The following TFB1M variants were observed in gnomAD, a reference collection of about 807,000 sequenced individuals.
The protein encoded by TFB1M is dimethyladenosine transferase 1, mitochondrial.
TFB1M carries 27 observed loss-of-function variants against 31.1 expected under a neutral mutation model. That is an observed-to-expected ratio of 0.87 (90% CI 0.64 to 1.20). TFB1M has a LOEUF of 1.20. TFB1M is among the 50% of genes most tolerant of loss of function. TFB1M has a pLI of 0.00. For synonymous variants in TFB1M, 166 were observed against 151.8 expected (o/e 1.09, Z -0.69); for missense variants, 394 against 418.7 (o/e 0.94, Z 0.51).
At chr6:155,264,065 G>A (rs1028000705) in intron 5 of TFB1M, 2 of 152,246 alleles carry the variant, frequency 1.3e-5, no homozygotes, top group Non-Finnish European at 1.5e-5. Flanking sequence ...GGAACAGGAA[G>A]CATATGGCAT....
chr6:155,292,272 C>T (rs986089326), intron 4 of TFB1M, among the ~76,000 whole-genome samples: 2 of 152,244 alleles, frequency 1.3e-5, no homozygotes, highest in Non-Finnish European at 1.5e-5. Context: ...GGTGCTCACA[C>T]GTGTGCAGGA....
At chr6:155,303,785 A>C (rs1777539701) in intron 2 of TFB1M, among the ~76,000 whole-genome samples, 1 of 152,226 alleles carries the variant, frequency 6.6e-6, no homozygotes, top group African/African-American at 2.4e-5. Flanking sequence ...GGCTACTGGG[A>C]TTATGCCAGG....
At chr6:155,270,136 G>A (rs1784855095) in intron 5 of TFB1M, among the ~76,000 whole-genome samples, 1 of 152,206 alleles carries the variant, frequency 6.6e-6, no homozygotes, top group Admixed American at 6.5e-5. Context: ...AAGATCTCAG[G>A]CGGCCAAATG....
chr6:155,276,115 T>A (rs1351717209), intron 5 of TFB1M: 1 of 1,614,166 alleles, frequency 6.2e-7, no homozygotes, highest in South Asian at 1.1e-5. Flanking sequence ...GAATCTCTAG[T>A]TTAATCTCGA....
the TFB1M span, among the ~76,000 whole-genome samples, chr6:155,245,956 A>T: frequency 6.6e-6 from 1 of 152,270 alleles, no homozygotes; most frequent in South Asian, 2.1e-4. Flanking sequence ...TTGCTTTGCC[A>T]TGTGTCACTT....
chr6:155,268,759 C>CCT (rs1366563795), intron 5 of TFB1M, among the ~76,000 whole-genome samples: 150 of 149,408 alleles, frequency 1.0e-3, no homozygotes, highest in Admixed American at 6.6e-3. Flanking sequence ...AGCATGCTTG[C>CCT]TAAGAGTCAT....
the TFB1M span, chr6:155,240,569 G>A: frequency 6.6e-5 from 107 of 1,614,080 alleles, no homozygotes; most frequent in South Asian, 7.5e-4. Context: ...GAGTTTTAAC[G>A]ACAGTCAGGC....
rs144736799 is a variant in TFB1M, at chr6:155,278,592, G to C, written c.666+6566C>G. Among the ~76,000 whole-genome samples, 443 of 152,282 alleles carry C rather than the reference G, an allele frequency of 2.9e-3. 3 individuals carry two copies. The highest frequency in any genetic ancestry group is 0.017 in the South Asian group (83 of 4,824). On this transcript the variant is annotated intron_variant, in intron 5 of 6. Transcript: ENST00000367166. ...TGGCTTAAACCTAACAACTCTACCA[G>C]GTAGGCACTATTCTCAGGATCTTAC...
At chr6:155,242,083 C>T in the TFB1M span, among the ~76,000 whole-genome samples, 5,061 of 152,216 alleles carry the variant, frequency 0.033, 301 homozygotes, top group African/African-American at 0.11. Context: ...AGACAAGGAC[C>T]GACTCTCCCT....
chr6:155,248,075 C>T, the TFB1M span: 3 of 1,614,226 alleles, frequency 1.9e-6, no homozygotes, highest in Non-Finnish European at 2.5e-6. Context: ...ACGCTGGAGT[C>T]CTACCTCATC....
chr6:155,274,786 C>T (rs1472537074), intron 5 of TFB1M, among the ~76,000 whole-genome samples: 1 of 152,234 alleles, frequency 6.6e-6, no homozygotes, highest in Non-Finnish European at 1.5e-5. Flanking sequence ...ATGTGCCTGG[C>T]ACTGTGGGTG....
At chr6:155,255,810 CCAACCTGGGCAA>C (rs1783971834), downstream of TFB1M, 1 of 152,394 alleles carries the variant, frequency 6.6e-6, no homozygotes, top group South Asian at 2.1e-4. Context: ...GAGTTTGAGA[CCAACCTGGGCAA>C]CATGGCAAAA....
At chr6:155,245,519 T>C in the TFB1M span, 2 of 936,406 alleles carry the variant, frequency 2.1e-6, no homozygotes, top group Admixed American at 1.9e-5. Flanking sequence ...TCCAAGGCAT[T>C]AGTGCTATGG....
the TFB1M span, among the ~76,000 whole-genome samples, chr6:155,230,340 G>C: frequency 6.6e-6 from 1 of 152,168 alleles, no homozygotes; most frequent in Non-Finnish European, 1.5e-5. Context: ...TTCAATTCCT[G>C]ACACACTCTG....
In TFB1M at chr6:155,257,524, TTTAAG is replaced by T. The variant is rs895018150; in HGVS notation, c.*307_*311del. ...TAGTTTTTGCTTTATTTAAAGCATA[TTTAAG>T]TTATTTTAATGTGGTTTAGGGGCAA... On this transcript the variant is annotated 3_prime_UTR_variant, in exon 7 of 7. Coordinates refer to ENST00000367166, the MANE Select transcript of TFB1M (RefSeq NM_016020.4). The T allele has an allele frequency of 5.3e-5, 19 of 360,660 alleles. No homozygotes were observed. The highest frequency in any genetic ancestry group is 3.6e-4 in the African/African-American group (17 of 46,996). 22.3% of individuals were successfully genotyped at this position (360,660 alleles called of 1,614,324 possible).
At chr6:155,296,694 T>A (rs1337458619) in intron 4 of TFB1M, among the ~76,000 whole-genome samples, 2 of 152,188 alleles carry the variant, frequency 1.3e-5, no homozygotes, top group African/African-American at 4.8e-5. Flanking sequence ...TCCAGTGGCA[T>A]CGATGGCTGT....
At chr6:155,306,699 T>C (rs1373581177) in intron 2 of TFB1M, among the ~76,000 whole-genome samples, 1 of 152,226 alleles carries the variant, frequency 6.6e-6, no homozygotes, top group East Asian at 1.9e-4. Context: ...GACAGCAGAT[T>C]AGTGGTTGTC....
chr6:155,274,822 C>T (rs760389111), intron 5 of TFB1M, among the ~76,000 whole-genome samples: 1 of 152,182 alleles, frequency 6.6e-6, no homozygotes, highest in East Asian at 1.9e-4. Flanking sequence ...TTTATGAAAG[C>T]CACTTCCTAA....
the TFB1M span, chr6:155,250,486 G>T: frequency 6.9e-7 from 1 of 1,453,544 alleles, no homozygotes; most frequent in South Asian, 1.2e-5. Flanking sequence ...GGAAAGGACT[G>T]GAGATCAGTC....
Sources: gnomAD v4.1 joint callset for allele counts (sites outside exome capture counted in the v4.1 genomes callset) on GRCh38, gnomAD v4.1.1 for gene constraint, MANE v1.5 for transcripts, NCBI Gene and HGNC (gene_info 2026-07-23, HGNC 2026-07-21) for gene names.